The following TPRG1 variants were observed in gnomAD, a reference collection of about 807,000 sequenced individuals.
TPRG1 encodes the protein tumor protein p63-regulated gene 1 protein.
A neutral mutation model predicts 29.3 loss-of-function variants in TPRG1; 29 were observed. That is an observed-to-expected ratio of 0.99 (90% CI 0.74 to 1.35). TPRG1 has a LOEUF of 1.35. Among genes scored for constraint, TPRG1 ranks in the 40% most tolerant of loss-of-function variants. The probability of loss-of-function intolerance (pLI) is 0.00; values close to 1 mark genes in which losing one functional copy is unlikely to be tolerated. For synonymous variants in TPRG1, 130 were observed against 116.8 expected, an observed-to-expected ratio of 1.11 and a Z score of -0.73; for missense variants, 327 against 335.0, an observed-to-expected ratio of 0.98 and a Z score of 0.19.
intron 1 of TPRG1, among the ~76,000 whole-genome samples, chr3:188,999,541 C>T (rs1454824983): frequency 6.6e-6 from 1 of 152,106 alleles, no homozygotes; most frequent in Non-Finnish European, 1.5e-5. Flanking sequence ...CATATGGTGA[C>T]TATGGATCTA....
chr3:189,093,671 A>C (rs1338633202), intron 4 of TPRG1, among the ~76,000 whole-genome samples: 3 of 152,210 alleles, frequency 2.0e-5, no homozygotes, highest in Admixed American at 1.3e-4. Flanking sequence ...GTGGATAGAC[A>C]ATGGAAAGAC....
intron 3 of TPRG1, among the ~76,000 whole-genome samples, chr3:189,225,497 A>G (rs1274649969): frequency 6.6e-6 from 1 of 152,230 alleles, no homozygotes; most frequent in East Asian, 1.9e-4. Context: ...TAATTTAAAC[A>G]TAGTCTTCAT....
intron 4 of TPRG1, among the ~76,000 whole-genome samples, chr3:189,245,013 G>A (rs1043335477): frequency 1.1e-4 from 16 of 151,906 alleles, no homozygotes; most frequent in African/African-American, 3.1e-4. Flanking sequence ...CTCCACCTCC[G>A]GAGTTCAAGC....
chr3:189,049,308 G>A (rs1185317373), intron 4 of TPRG1, among the ~76,000 whole-genome samples: 5 of 152,158 alleles, frequency 3.3e-5, no homozygotes, highest in Admixed American at 1.3e-4. Context: ...GGTAGTGGGG[G>A]CATAGTGGGA....
At chr3:189,075,524 T>C (rs975898054) in intron 4 of TPRG1, among the ~76,000 whole-genome samples, 1 of 152,210 alleles carries the variant, frequency 6.6e-6, no homozygotes, top group Admixed American at 6.5e-5. Context: ...GGGCCCATTG[T>C]CAGTCAGCCA....
At position 189,165,028 on chromosome 3, in the gene TPRG1, C is replaced by A. The variant is rs186316335; in HGVS notation, c.-10+14156C>A. 1.3e-3 allele frequency among the ~76,000 whole-genome samples: 205 copies of A among 152,328 alleles called. 1 individual carries two copies. The highest frequency in any genetic ancestry group is 7.7e-3 in the South Asian group (37 of 4,826). The stretch of plus-strand genomic sequence containing the variant: ...CAATGTAGCTAGCTCCAGCCCCCAT[C>A]TCTGTGCATTTTTACCCTTATTACT... On this transcript the variant is annotated intron_variant, in intron 5 of 6. Transcript: ENST00000412373.
At chr3:189,208,074 A>G (rs556318442) in intron 2 of TPRG1, among the ~76,000 whole-genome samples, 1 of 152,330 alleles carries the variant, frequency 6.6e-6, no homozygotes. Context: ...TAAATCTCAA[A>G]CCTACAGCGA....
intron 3 of TPRG1, among the ~76,000 whole-genome samples, chr3:189,132,932 A>G (rs1240856726): frequency 3.3e-5 from 5 of 152,150 alleles, no homozygotes; most frequent in African/African-American, 7.2e-5. Context: ...TGGAGATATA[A>G]TCAACATGAG....
intron 4 of TPRG1, among the ~76,000 whole-genome samples, chr3:189,292,508 C>T (rs1263914173): frequency 1.3e-5 from 2 of 152,014 alleles, no homozygotes; most frequent in Non-Finnish European, 2.9e-5. Context: ...ATAATAATAA[C>T]ACACAGCTAA....
At chr3:189,121,340 G>C (rs1721805044) in intron 1 of TPRG1, 1 of 152,168 alleles carries the variant, frequency 6.6e-6, no homozygotes. Context: ...TTAGGACTGA[G>C]TTTTATGTGA....
At chr3:189,272,307 T>C (rs1471443917) in intron 4 of TPRG1, among the ~76,000 whole-genome samples, 1 of 152,210 alleles carries the variant, frequency 6.6e-6, no homozygotes, top group African/African-American at 2.4e-5. Context: ...ATGAAAAGAA[T>C]TCTGGCCTTG....
At chr3:189,097,612 A>T (rs1718766769), upstream of TPRG1, among the ~76,000 whole-genome samples, 1 of 152,234 alleles carries the variant, frequency 6.6e-6, no homozygotes, top group Non-Finnish European at 1.5e-5. Context: ...TTTTAACTGC[A>T]TCTTTAAAGC....
chr3:189,141,606 G>A (rs1724570590), intron 3 of TPRG1, among the ~76,000 whole-genome samples: 1 of 152,214 alleles, frequency 6.6e-6, no homozygotes, highest in African/African-American at 2.4e-5. Context: ...TATGGAATAA[G>A]TGTTATATTT....
intron 4 of TPRG1, among the ~76,000 whole-genome samples, chr3:189,032,183 A>T (rs1030630057): frequency 6.6e-6 from 1 of 152,194 alleles, no homozygotes; most frequent in East Asian, 1.9e-4. Flanking sequence ...GAGTCTTCAC[A>T]TGAGAGAGGG....
intron 4 of TPRG1, among the ~76,000 whole-genome samples, chr3:189,044,691 A>G (rs1021947662): frequency 2.6e-5 from 4 of 152,208 alleles, no homozygotes; most frequent in African/African-American, 4.8e-5. Flanking sequence ...GATGTACAGC[A>G]AAGAGCAATG....
At chr3:188,998,822 T>C (rs978892812) in intron 1 of TPRG1, among the ~76,000 whole-genome samples, 2 of 152,044 alleles carry the variant, frequency 1.3e-5, no homozygotes, top group Admixed American at 6.6e-5. Flanking sequence ...TGAGGGGGTG[T>C]GGGAGGAAAT....
In TPRG1 at chr3:189,320,647, C is replaced by A. The variant is rs745999645; in HGVS notation, c.655C>A (p.Leu219Ile). 11 of 1,610,212 alleles carry A rather than the reference C, an allele frequency of 6.8e-6. No homozygotes were observed. Among genetic ancestry groups the A allele is most frequent in the Non-Finnish European group, 9.3e-6 (11 of 1,178,308 alleles). Reference sequence around the variant, plus strand: ...TCAGTTGTCTGGGTTCATGTCTAAGCTTGTTCCAGCTATCCAGAATGCCCA... The same window carrying A: ...TCAGTTGTCTGGGTTCATGTCTAAGATTGTTCCAGCTATCCAGAATGCCCA... ...ICKLSGFMSK[L>I]VPAIQNAHKN... Residue 219 changes from leucine to isoleucine, a missense_variant, in exon 6 of 6, where the codon CTT (leucine) becomes ATT (isoleucine). By Grantham distance (5) the Leu-to-Ile change is conservative. Coordinates refer to ENST00000345063, the MANE Select transcript of TPRG1 (RefSeq NM_198485.4).
Position 189,125,984 on chromosome 3 carries a change from C to T in TPRG1, c.-743-1073C>T, listed in dbSNP as rs573170616. Reference sequence around the variant, plus strand: ...TCTTTATTGTCTCATATCAGATTAACTTTTCTGACAAAGTACAAAGTGGAT... The same window carrying T: ...TCTTTATTGTCTCATATCAGATTAATTTTTCTGACAAAGTACAAAGTGGAT... On this transcript the variant is annotated intron_variant, in intron 1 of 6. Transcript: ENST00000412373. 2.9e-4 allele frequency among the ~76,000 whole-genome samples: 44 copies of T among 152,174 alleles called. 2 individuals are homozygous for T. The South Asian group carries it at 8.7e-3, about 30-fold the overall frequency.
chr3:189,189,456 G>T (rs1010512605), intron 1 of TPRG1, among the ~76,000 whole-genome samples: 2 of 151,872 alleles, frequency 1.3e-5, no homozygotes, highest in Non-Finnish European at 2.9e-5. Flanking sequence ...AAATAAAATA[G>T]AATTGTTATT....
Sources: gnomAD v4.1 joint callset for allele counts (sites outside exome capture counted in the v4.1 genomes callset) on GRCh38, gnomAD v4.1.1 for gene constraint, MANE v1.5 for transcripts, NCBI Gene and HGNC (gene_info 2026-07-23, HGNC 2026-07-21) for gene names.